Variants in RBFOX1 observed in about 807,000 individuals in gnomAD.
RBFOX1 encodes the protein RNA binding fox-1 homolog 1.
A neutral mutation model predicts 57.7 loss-of-function variants in RBFOX1; 8 were observed. The ratio of observed to expected loss-of-function variants is 0.14; its 90% CI spans 0.08 to 0.25. The LOEUF is 0.25. Among genes scored for constraint, RBFOX1 ranks in the 10% least tolerant of loss-of-function variants. The pLI, the probability that RBFOX1 is intolerant of heterozygous loss-of-function variation, is 1.00. For missense variants in RBFOX1, 611 were observed against 548.5 expected (o/e 1.11, Z -1.14); for synonymous variants, 326 against 222.4 (o/e 1.47, Z -4.15).
chr16:6,439,142 G>A (rs761493737), intron 2 of RBFOX1, among the ~76,000 whole-genome samples: 3 of 152,144 alleles, frequency 2.0e-5, no homozygotes, highest in Admixed American at 1.3e-4. Context: ...TGAGCATGCC[G>A]ATGGCCCCTT....
At chr16:6,815,098 C>T (rs932830056) in intron 3 of RBFOX1, among the ~76,000 whole-genome samples, 3 of 152,112 alleles carry the variant, frequency 2.0e-5, no homozygotes, top group Admixed American at 2.0e-4. Context: ...GAGGGTTTCT[C>T]CCCATTTCCG....
rs527873848 is a variant in RBFOX1 at position 5,724,540 on chromosome 16, A to G, written c.318+125579A>G. Among the ~76,000 whole-genome samples, 5 of 152,220 alleles carry G rather than the reference A, an allele frequency of 3.3e-5. No homozygotes were observed. The South Asian group carries it at 6.2e-4, about 19-fold the overall frequency. ...ACCTACCCACTGTGAGAGCTTAGGGAAGGCATCTGACATCTCTTCCCTCAA... is the reference window on the plus strand; with the variant it reads ...ACCTACCCACTGTGAGAGCTTAGGGGAGGCATCTGACATCTCTTCCCTCAA... On this transcript the variant is annotated intron_variant, in intron 3 of 19. Transcript: ENST00000641259.
At chr16:7,031,083 G>C (rs1469131874) in intron 3 of RBFOX1, among the ~76,000 whole-genome samples, 5 of 152,208 alleles carry the variant, frequency 3.3e-5, no homozygotes, top group African/African-American at 4.8e-5. Context: ...AGGGTAGCCA[G>C]GGTTGTAAGT....
intron 4 of RBFOX1, among the ~76,000 whole-genome samples, chr16:7,207,602 C>G (rs1354120248): frequency 1.3e-5 from 2 of 152,186 alleles, no homozygotes. Flanking sequence ...GAAACTATGA[C>G]AGCAAAACAG....
chr16:7,535,657 A>G (rs936214908), intron 5 of RBFOX1, among the ~76,000 whole-genome samples: 4 of 152,216 alleles, frequency 2.6e-5, no homozygotes, highest in Non-Finnish European at 4.4e-5. Flanking sequence ...TATGTTTTAT[A>G]TGTTTTGAAA....
chr16:7,705,440 G>A (rs540179715), intron 14 of RBFOX1, among the ~76,000 whole-genome samples: 6 of 152,282 alleles, frequency 3.9e-5, no homozygotes, highest in Admixed American at 3.9e-4. Context: ...GAGGGACGGA[G>A]CTTGCAGTGA....
At chr16:5,577,456 T>G (rs2046502054) in intron 2 of RBFOX1, among the ~76,000 whole-genome samples, 1 of 152,158 alleles carries the variant, frequency 6.6e-6, no homozygotes, top group African/African-American at 2.4e-5. Context: ...GGTGCCTTAT[T>G]TGAGTTCATA....
chr16:6,923,503 A>G (rs1055222625), intron 3 of RBFOX1, among the ~76,000 whole-genome samples: 8 of 152,210 alleles, frequency 5.3e-5, no homozygotes, highest in Admixed American at 4.6e-4. Flanking sequence ...ACTGCACTCC[A>G]GCCTGGATGA....
chr16:5,924,530 T>G (rs1356513058), intron 4 of RBFOX1, among the ~76,000 whole-genome samples: 1 of 152,192 alleles, frequency 6.6e-6, no homozygotes, highest in East Asian at 1.9e-4. Context: ...TCTCTTGCCT[T>G]CTCTCTTGCC....
intron 3 of RBFOX1, among the ~76,000 whole-genome samples, chr16:6,796,262 T>C (rs141197773): frequency 1.3e-5 from 2 of 152,266 alleles, no homozygotes; most frequent in East Asian, 3.9e-4. Flanking sequence ...CCCACCCCCG[T>C]AATTCAGTCA....
intron 4 of RBFOX1, among the ~76,000 whole-genome samples, chr16:7,343,224 C>T (rs889029103): frequency 1.3e-5 from 2 of 152,172 alleles, no homozygotes; most frequent in African/African-American, 4.8e-5. Flanking sequence ...GTGTGAGTGC[C>T]AGCCGTCACT....
At chr16:6,533,847 C>A (rs1021219332) in intron 2 of RBFOX1, among the ~76,000 whole-genome samples, 1 of 152,050 alleles carries the variant, frequency 6.6e-6, no homozygotes, top group East Asian at 1.9e-4. Context: ...AAACACAGTA[C>A]GTACTAAACA....
chr16:7,406,489 A>G (rs765285867), intron 4 of RBFOX1, among the ~76,000 whole-genome samples: 5 of 152,210 alleles, frequency 3.3e-5, no homozygotes, highest in Non-Finnish European at 7.3e-5. Flanking sequence ...TGGGTTTCCA[A>G]AAGAAAACCT....
At chr16:5,770,553 G>A (rs1304461556) in intron 3 of RBFOX1, among the ~76,000 whole-genome samples, 1 of 152,168 alleles carries the variant, frequency 6.6e-6, no homozygotes, top group Admixed American at 6.5e-5. Context: ...AGTGCTATCT[G>A]CCTATGGGGT....
intron 4 of RBFOX1, among the ~76,000 whole-genome samples, chr16:7,235,531 C>A (rs2093723138): frequency 6.6e-6 from 1 of 152,174 alleles, no homozygotes; most frequent in Admixed American, 6.5e-5. Context: ...CCCGTAGCTT[C>A]ATCGCTTATG....
At chr16:5,897,076 C>T (rs897973192) in intron 4 of RBFOX1, among the ~76,000 whole-genome samples, 5 of 123,664 alleles carry the variant, frequency 4.0e-5, no homozygotes, top group Non-Finnish European at 6.3e-5. Context: ...TCGCCCAGGC[C>T]GGACTGCGGA....
At chr16:6,525,304 T>C (rs1361433897) in intron 2 of RBFOX1, among the ~76,000 whole-genome samples, 1 of 152,150 alleles carries the variant, frequency 6.6e-6, no homozygotes, top group Non-Finnish European at 1.5e-5. Flanking sequence ...CTGGGGAGTA[T>C]GTGATGTTAG....
At chr16:7,701,861 C>G (rs2080848512) in intron 14 of RBFOX1, among the ~76,000 whole-genome samples, 1 of 152,212 alleles carries the variant, frequency 6.6e-6, no homozygotes, top group Non-Finnish European at 1.5e-5. Context: ...CCATTGCTTT[C>G]TGAATTTCCC....
chr16:6,746,765 A>G (rs945203081), intron 3 of RBFOX1, among the ~76,000 whole-genome samples: 1 of 152,130 alleles, frequency 6.6e-6, no homozygotes, highest in Non-Finnish European at 1.5e-5. Context: ...TGAAATATTG[A>G]TACATATAAT....
Sources: allele counts gnomAD v4.1 joint callset (sites outside exome capture counted in the v4.1 genomes callset), GRCh38; gene constraint gnomAD v4.1.1; transcripts MANE v1.5; gene names NCBI Gene and HGNC (gene_info 2026-07-23, HGNC 2026-07-21).